AJAP1: variants seen among roughly 807,000 people sequenced by gnomAD.
AJAP1 encodes adherens junctions associated protein 1.
A neutral mutation model predicts 35.0 loss-of-function variants in AJAP1; 5 were observed. That is an observed-to-expected ratio of 0.14 (90% CI 0.07 to 0.30). The LOEUF (loss-of-function observed/expected upper bound fraction) is 0.30. AJAP1 is among the 10% of genes least tolerant of loss of function. The probability of loss-of-function intolerance (pLI) is 1.00; values close to 1 mark genes in which losing one functional copy is unlikely to be tolerated. For missense variants in AJAP1, 586 were observed against 571.0 expected, an observed-to-expected ratio of 1.03 and a Z score of -0.27; for synonymous variants, 284 against 249.3, an observed-to-expected ratio of 1.14 and a Z score of -1.31.
chr1:4,707,066 C>G (rs939744483), intron 1 of AJAP1, among the ~76,000 whole-genome samples: 2 of 152,002 alleles, frequency 1.3e-5, no homozygotes, highest in African/African-American at 4.8e-5. Context: ...AGGCAGGGAC[C>G]CTGTCTCACG....
rs1005206122 is a variant in AJAP1 at position 4,723,488 on chromosome 1, C to T, written c.829+10789C>T. Among the ~76,000 whole-genome samples, 8 of 152,156 alleles carry T rather than the reference C, an allele frequency of 5.3e-5. No individual in the cohort carries two copies. Among genetic ancestry groups the T allele is most frequent in the Non-Finnish European group, 8.8e-5 (6 of 68,004 alleles). On this transcript the variant is annotated intron_variant, in intron 2 of 5. Transcript: ENST00000378191. The surrounding 1 kb of genome is among the most constrained non-coding windows in gnomAD (Gnocchi z 4.3). Reference sequence around the variant, plus strand: ...TTGGGGGTGATAAGGAAGAGCCCACCGGGAGGAGGTGGCCAGGAGGCTGCA... The same window carrying T: ...TTGGGGGTGATAAGGAAGAGCCCACTGGGAGGAGGTGGCCAGGAGGCTGCA...
At chr1:4,724,563 G>A (rs923005170) in intron 2 of AJAP1, among the ~76,000 whole-genome samples, 4 of 152,046 alleles carry the variant, frequency 2.6e-5, no homozygotes, top group Admixed American at 6.5e-5. Flanking sequence ...CCAGCCCCTC[G>A]CCAATATCAA....
At position 4,786,628 on chromosome 1, in the gene AJAP1, C is replaced by CT. The variant is rs1446784285; in HGVS notation, c.*4144dup. ...TCGACCCTGTCACCTTGGATGGTCT[C>CT]TATTTTGACCCTGTTGCCCATGGAG... On this transcript the variant is annotated 3_prime_UTR_variant, in exon 6 of 6. Coordinates refer to ENST00000378191, the MANE Select transcript of AJAP1 (RefSeq NM_018836.4). 1 of 152,176 alleles carries CT rather than the reference C, an allele frequency of 6.6e-6. No individual in the cohort carries two copies. Among genetic ancestry groups the CT allele is most frequent in the Non-Finnish European group, 1.5e-5 (1 of 68,046 alleles). The allele number at this position is 152,176 out of a possible 1,614,324, so 9.4% of individuals were successfully genotyped here. A position where few individuals can be genotyped will look rare whatever the true frequency, so the allele number is the denominator to read the frequency against.
rs1304550985 is a variant in AJAP1, at chr1:4,723,137, G to T, written c.829+10438G>T. Among the ~76,000 whole-genome samples the T allele has an allele frequency of 6.6e-6, 1 of 152,138 alleles. No homozygotes were observed. Among genetic ancestry groups the T allele is most frequent in the Non-Finnish European group, 1.5e-5 (1 of 68,034 alleles). ...GAGTAAGGGAGAGAACCATCTAGAG[G>T]GTCCCTGAGGTTTTAGTCTGAGCAA... On this transcript the variant is annotated intron_variant, in intron 2 of 5. Transcript: ENST00000378191. The surrounding 1 kb of genome is among the most constrained non-coding windows in gnomAD (Gnocchi z 4.3).
In AJAP1 at chr1:4,778,683, C is replaced by A. The variant is rs1254257240; in HGVS notation, c.*60-3862C>A. 2.0e-5 allele frequency among the ~76,000 whole-genome samples: 3 copies of A among 151,636 alleles called. No individual in the cohort carries two copies. The East Asian group carries it at 5.9e-4, about 30-fold the overall frequency. ...CTGAGACACAGAGTAGAGAGAGATG[C>A]CTGTAGTCTTGGAAGAGACTCCCTT... is the stretch of plus-strand genomic sequence containing the variant. On this transcript the variant is annotated intron_variant, in intron 5 of 5. Coordinates refer to ENST00000378191, the MANE Select transcript of AJAP1 (RefSeq NM_018836.4).
At chr1:4,754,095 A>G (rs1248654990) in intron 2 of AJAP1, among the ~76,000 whole-genome samples, 1 of 152,224 alleles carries the variant, frequency 6.6e-6, no homozygotes, top group Non-Finnish European at 1.5e-5. Flanking sequence ...CCATGGACCA[A>G]TCCTGCCTGG....
intron 2 of AJAP1, among the ~76,000 whole-genome samples, chr1:4,718,783 C>T (rs965821286): frequency 6.6e-6 from 1 of 152,126 alleles, no homozygotes; most frequent in African/African-American, 2.4e-5. Flanking sequence ...GCCCGGCCTC[C>T]TAAGGCACTT....
chr1:4,660,915 C>G (rs919269659), intron 1 of AJAP1, among the ~76,000 whole-genome samples: 1 of 152,216 alleles, frequency 6.6e-6, no homozygotes, highest in Non-Finnish European at 1.5e-5. Context: ...TAGGTCAACT[C>G]TGAAGATAGA....
At chr1:4,715,443 G>A (rs1640366448) in intron 2 of AJAP1, among the ~76,000 whole-genome samples, 1 of 152,220 alleles carries the variant, frequency 6.6e-6, no homozygotes, top group Admixed American at 6.5e-5. Context: ...CCCGACATTG[G>A]GAGGCTGAGG....
At chr1:4,718,914 C>T (rs1235257260) in intron 2 of AJAP1, among the ~76,000 whole-genome samples, 1 of 152,204 alleles carries the variant, frequency 6.6e-6, no homozygotes, top group Non-Finnish European at 1.5e-5. Flanking sequence ...TGAACACTCT[C>T]CTCTACCTGG....
At chr1:4,760,380 AGTGTGTTCATGCAT>A (rs370938104) in intron 2 of AJAP1, among the ~76,000 whole-genome samples, 16 of 151,488 alleles carry the variant, frequency 1.1e-4, no homozygotes, top group Admixed American at 2.0e-4. Context: ...TGTGTATGTG[AGTGTGTTCATGCAT>A]GTGTGTTCAT....
At chr1:4,745,649 T>A (rs899745812) in intron 2 of AJAP1, among the ~76,000 whole-genome samples, 2 of 152,104 alleles carry the variant, frequency 1.3e-5, no homozygotes, top group African/African-American at 4.8e-5. Flanking sequence ...GCACAGAGGA[T>A]GGGAGATGAA....
intron 2 of AJAP1, among the ~76,000 whole-genome samples, chr1:4,727,589 C>T (rs1640696377): frequency 6.6e-6 from 1 of 152,238 alleles, no homozygotes; most frequent in African/African-American, 2.4e-5. Flanking sequence ...GTCCCTGACA[C>T]AGGACCTGGG....
chr1:4,700,851 T>C (rs1024317066), intron 1 of AJAP1, among the ~76,000 whole-genome samples: 3 of 152,138 alleles, frequency 2.0e-5, no homozygotes, highest in African/African-American at 7.2e-5. Flanking sequence ...GGGCCCTTCG[T>C]GGGGCAGCTG....
chr1:4,695,601 G>A (rs375004402), intron 1 of AJAP1, among the ~76,000 whole-genome samples: 9 of 152,264 alleles, frequency 5.9e-5, no homozygotes, highest in South Asian at 2.1e-4. Context: ...GTGTTTCCTC[G>A]TAGTTTCGAA....
rs1252672905 is a variant in AJAP1, at chr1:4,734,192, C to T, written c.829+21493C>T. On this transcript the variant is annotated intron_variant, in intron 2 of 5. Coordinates refer to ENST00000378191, the MANE Select transcript of AJAP1 (RefSeq NM_018836.4). This position sits in a 1 kb window ranked among gnomAD's most constrained non-coding sequence, Gnocchi z 4.3. ...TTCTGTGTGGAGGAAGAGAGGCACCCGCTCAGATGCTCCTTCTTAGATGAA... is the reference window on the plus strand; with the variant it reads ...TTCTGTGTGGAGGAAGAGAGGCACCTGCTCAGATGCTCCTTCTTAGATGAA... Among the ~76,000 whole-genome samples, 4 of 152,192 alleles carry T rather than the reference C, an allele frequency of 2.6e-5. No individual in the cohort carries two copies. Among genetic ancestry groups the T allele is most frequent in the African/African-American group, 7.2e-5 (3 of 41,456 alleles).
chr1:4,666,491 G>GCGGCCCGTGACTCACAGGAGGGGTGC (rs1639121630), intron 1 of AJAP1, among the ~76,000 whole-genome samples: 1 of 151,656 alleles, frequency 6.6e-6, no homozygotes, highest in African/African-American at 2.4e-5. Context: ...GTGCAGAGAG[G>GCGGCCCGTGACTCACAGGAGGGGTGC]GGGCCCGTGA....
intron 5 of AJAP1, among the ~76,000 whole-genome samples, chr1:4,780,874 CCCACAGCAGCTG>C (rs534029859): frequency 6.1e-4 from 93 of 152,226 alleles, no homozygotes; most frequent in African/African-American, 2.2e-3. Context: ...GAACCCTGTG[CCCACAGCAGCTG>C]GTCTTCCCAC....
At chr1:4,661,340 G>A (rs769697081) in intron 1 of AJAP1, among the ~76,000 whole-genome samples, 11 of 152,216 alleles carry the variant, frequency 7.2e-5, no homozygotes, top group Admixed American at 2.0e-4. Context: ...CTGATCCAAC[G>A]GTGCTAAACT....
Sources: allele counts gnomAD v4.1 joint callset (sites outside exome capture counted in the v4.1 genomes callset), GRCh38; gene constraint gnomAD v4.1.1; non-coding constraint Gnocchi (gnomAD v3.1); transcripts MANE v1.5; gene names NCBI Gene and HGNC (gene_info 2026-07-23, HGNC 2026-07-21).